SERPINB8: variants seen among roughly 807,000 people sequenced by gnomAD.
SERPINB8 encodes serpin B8.
SERPINB8 carries 25 observed loss-of-function variants against 35.3 expected under a neutral mutation model. That is an observed-to-expected ratio of 0.71 (90% CI 0.52 to 0.99). The LOEUF is 0.99. Ranked by LOEUF, SERPINB8 falls within the 50% of genes least tolerant of loss-of-function variation. SERPINB8 has a pLI of 0.00. For missense variants in SERPINB8, 484 were observed against 446.5 expected, an observed-to-expected ratio of 1.08 and a Z score of -0.76; for synonymous variants, 186 against 160.8, an observed-to-expected ratio of 1.16 and a Z score of -1.19.
At chr18:63,997,917 G>A (rs2050857732) in intron 1 of SERPINB8, among the ~76,000 whole-genome samples, 1 of 152,210 alleles carries the variant, frequency 6.6e-6, no homozygotes, top group Admixed American at 6.5e-5. Flanking sequence ...AGCTAAACAT[G>A]GAGAATGATT....
intron 1 of SERPINB8, among the ~76,000 whole-genome samples, chr18:63,971,064 G>A (rs1311848160): frequency 5.3e-5 from 8 of 152,060 alleles, no homozygotes; most frequent in African/African-American, 1.9e-4. Context: ...CGGGCTCTGC[G>A]TAGACCGCGC....
chr18:63,988,052 A>T lies in SERPINB8; in HGVS notation c.*774A>T, dbSNP rs1306849734. ...CTTAGTTAAGAAAGAACCTCCATAT[A>T]CATTAATTTTTTTCTGCCTAAAAAT... is the stretch of plus-strand genomic sequence containing the variant. On this transcript the variant is annotated 3_prime_UTR_variant, in exon 7 of 7. Transcript: ENST00000397985. The T allele has an allele frequency of 6.6e-6, 1 of 152,228 alleles. No individual in the cohort carries two copies. Among genetic ancestry groups the T allele is most frequent in the African/African-American group, 2.4e-5 (1 of 41,456 alleles). 9.4% of individuals were successfully genotyped at this position (152,228 alleles called of 1,614,324 possible). A position where few individuals can be genotyped will look rare whatever the true frequency, so the allele number is the denominator to read the frequency against.
chr18:63,993,879 A>T (rs1214482596), downstream of SERPINB8, among the ~76,000 whole-genome samples: 3 of 152,162 alleles, frequency 2.0e-5, no homozygotes, highest in Non-Finnish European at 4.4e-5. Context: ...GCATCTCTAC[A>T]TTCCGAGCTC....
At chr18:64,015,428 T>TA (rs1269624085) in intron 7 of SERPINB8, among the ~76,000 whole-genome samples, 1 of 152,208 alleles carries the variant, frequency 6.6e-6, no homozygotes, top group African/African-American at 2.4e-5. Context: ...AGGGTTTGCC[T>TA]AGATGATCCC....
intron 4 of SERPINB8, among the ~76,000 whole-genome samples, chr18:63,983,001 T>C (rs1429206302): frequency 1.3e-5 from 2 of 152,124 alleles, no homozygotes; most frequent in Non-Finnish European, 2.9e-5. Context: ...GCTTTCCTTG[T>C]CTGATGAGGT....
intron 1 of SERPINB8, among the ~76,000 whole-genome samples, chr18:63,970,816 C>A (rs2050462232): frequency 6.6e-6 from 1 of 151,564 alleles, no homozygotes; most frequent in South Asian, 2.1e-4. Flanking sequence ...CCCCTGCCTT[C>A]ATCTTTCTGT....
chr18:63,981,943 A>G (rs2050679187), intron 4 of SERPINB8, 105 bp downstream of exon 4: 1 of 723,280 alleles, frequency 1.4e-6, no homozygotes. Flanking sequence ...TGCATACCAC[A>G]GGCCTGTTTG....
At position 63,987,939 on chromosome 18, in the gene SERPINB8, AACAC is replaced by A. The variant is rs1340271690; in HGVS notation, c.*665_*668del. On this transcript the variant is annotated 3_prime_UTR_variant, in exon 7 of 7. Transcript: ENST00000397985. The stretch of plus-strand genomic sequence containing the variant: ...TTCTTTCCATTCCTTTTCCCTCTGA[AACAC>A]ACAAAATACCAAAGGAACTTACGCA... 6.6e-6 allele frequency: 1 copy of A among 152,244 alleles called. No individual in the cohort carries two copies. Among genetic ancestry groups the A allele is most frequent in the African/African-American group, 2.4e-5 (1 of 41,424 alleles). The allele number at this position is 152,244 out of a possible 1,614,324, so 9.4% of individuals were successfully genotyped here.
At chr18:63,970,225 C>T in intron 1 of SERPINB8, 55 bp downstream of exon 1, 1 of 238,646 alleles carries the variant, frequency 4.2e-6, no homozygotes, top group Non-Finnish European at 8.4e-6. Context: ...CCCAGGTTCC[C>T]GCGGAGGCCA....
chr18:63,986,213 G>A (rs1201288940), intron 6 of SERPINB8: 3 of 1,583,446 alleles, frequency 1.9e-6, no homozygotes, highest in East Asian at 4.5e-5. Context: ...AGATGCTAGT[G>A]GAAGGCCTTT....
At chr18:64,015,083 A>C (rs1319600695) in intron 7 of SERPINB8, among the ~76,000 whole-genome samples, 1 of 152,124 alleles carries the variant, frequency 6.6e-6, no homozygotes, top group Non-Finnish European at 1.5e-5. Flanking sequence ...ATTCTTCCAG[A>C]ACATACCATA....
Position 63,987,314 on chromosome 18 carries a change from C to T in SERPINB8, c.*36C>T. ...TTGCTGTACATACCCTCCTTTCCTT[C>T]TACCTATCTTGCCTTAATTAACATT... On this transcript the variant is annotated 3_prime_UTR_variant, in exon 7 of 7. Transcript: ENST00000397985. 2 of 1,563,824 alleles carry T rather than the reference C, an allele frequency of 1.3e-6. No individual in the cohort carries two copies. The highest frequency in any genetic ancestry group is 1.7e-6 in the Non-Finnish European group (2 of 1,155,172).
Position 63,983,675 on chromosome 18 carries a change from A to T in SERPINB8, c.521A>T (p.Gln174Leu), listed in dbSNP as rs765316865. The T allele has an allele frequency of 1.9e-6, 3 of 1,614,048 alleles. No individual in the cohort carries two copies. In the East Asian group the frequency reaches 6.7e-5, roughly 36 times the overall value. Residue 174 changes from glutamine to leucine, a missense_variant, in exon 5 of 7, where the codon CAA becomes CTA. Transcript: ENST00000397985. ...TATTTCAAGGGAAAGTGGAATGAGC[A>T]ATTTGACAGAAAGTACACAAGGGGA... The part of the protein sequence containing the change: ...AIYFKGKWNE[Q>L]FDRKYTRGML...
At chr18:64,002,685 C>A (rs746790688) in intron 1 of SERPINB8, among the ~76,000 whole-genome samples, 1 of 152,030 alleles carries the variant, frequency 6.6e-6, no homozygotes, top group Admixed American at 6.5e-5. Flanking sequence ...CGGGGTGAGG[C>A]CTTGGAGAAG....
downstream of SERPINB8, among the ~76,000 whole-genome samples, chr18:64,010,061 A>G (rs2050918996): frequency 6.6e-6 from 1 of 152,116 alleles, no homozygotes. Context: ...CTTAAATATG[A>G]AGTATTTCCA....
chr18:64,019,520 C>A (rs1007602341), exon 8 of SERPINB8: 3 of 152,196 alleles, frequency 2.0e-5, no homozygotes, highest in African/African-American at 7.2e-5. Flanking sequence ...CTGTTCACAA[C>A]TTTCCAGTAG....
chr18:64,015,844 G>T (rs113121108), intron 7 of SERPINB8, among the ~76,000 whole-genome samples: 2 of 152,170 alleles, frequency 1.3e-5, no homozygotes, highest in African/African-American at 4.8e-5. Flanking sequence ...GCTGCTGCTT[G>T]TGTCAGAGAA....
intron 7 of SERPINB8, among the ~76,000 whole-genome samples, chr18:64,013,378 C>A (rs907493571): frequency 2.0e-5 from 3 of 152,078 alleles, no homozygotes; most frequent in African/African-American, 7.3e-5. Flanking sequence ...CTCCTATCTC[C>A]AAACCTTCCA....
intron 1 of SERPINB8, among the ~76,000 whole-genome samples, chr18:64,002,637 G>C (rs1307274929): frequency 3.9e-5 from 6 of 151,986 alleles, no homozygotes; most frequent in African/African-American, 1.2e-4. Flanking sequence ...TGGGTCCCCC[G>C]CGGGGCCCTC....
Sources: gnomAD v4.1 joint callset for allele counts (sites outside exome capture counted in the v4.1 genomes callset) on GRCh38, gnomAD v4.1.1 for gene constraint, MANE v1.5 for transcripts, NCBI Gene and HGNC (gene_info 2026-07-23, HGNC 2026-07-21) for gene names.